The following DDX17 variants were observed in gnomAD, a reference collection of about 807,000 sequenced individuals.
The protein encoded by DDX17 is probable ATP-dependent RNA helicase DDX17.
Under a neutral mutation model 80.8 loss-of-function variants are expected in DDX17, and 10 were observed. The observed-to-expected ratio is 0.12, with a 90% CI of 0.08 to 0.21. The LOEUF (loss-of-function observed/expected upper bound fraction) is 0.21, where lower values mean the gene tolerates loss of function less well. Ranked by LOEUF, DDX17 falls within the 10% of genes least tolerant of loss-of-function variation. The probability of loss-of-function intolerance (pLI) is 1.00; values close to 1 mark genes in which losing one functional copy is unlikely to be tolerated. For missense variants in DDX17, 586 were observed against 957.4 expected (o/e 0.61, Z 5.12); for synonymous variants, 339 against 336.2 (o/e 1.01, Z -0.09).
At position 38,489,480 on chromosome 22, in the gene DDX17, A is replaced by T; in HGVS notation, c.1448-1365T>A. ...GAACCTGGGTTCGGGTAAAAATTTC[A>T]GGTCCTCCAACGCCTCCCCCAAGGA... On this transcript the variant is annotated intron_variant, in intron 11 of 12. Transcript: ENST00000403230. This position sits in a 1 kb window ranked among gnomAD's most constrained non-coding sequence, Gnocchi z 4.6. 1 of 985,766 alleles carries T rather than the reference A, an allele frequency of 1.0e-6. No individual in the cohort carries two copies. The highest frequency in any genetic ancestry group is 4.7e-5 in the South Asian group (1 of 21,284). The allele number at this position is 985,766 out of a possible 1,614,324, so 61.1% of individuals were successfully genotyped here. A position where few individuals can be genotyped will look rare whatever the true frequency, so the allele number is the denominator to read the frequency against.
intron 11 of DDX17, 56 bp downstream of exon 11, chr22:38,492,000 A>G: frequency 7.9e-7 from 1 of 1,266,208 alleles, no homozygotes; most frequent in Non-Finnish European, 1.1e-6. Flanking sequence ...TGAAATGACG[A>G]ATCTTTAAAC....
chr22:38,490,377 C>T (rs1254411623), intron 11 of DDX17: 11 of 1,289,264 alleles, frequency 8.5e-6, no homozygotes, highest in Middle Eastern at 2.1e-4. Flanking sequence ...GAGCTGCTTC[C>T]GGCCAATGTA....
Position 38,485,878 on chromosome 22 carries a change from G to C in DDX17, c.*57C>G. 6.6e-7 allele frequency: 1 copy of C among 1,518,450 alleles called. No individual in the cohort carries two copies. Among genetic ancestry groups the C allele is most frequent in the Non-Finnish European group, 8.8e-7 (1 of 1,132,830 alleles). 94.1% of individuals were successfully genotyped at this position (1,518,450 alleles called of 1,614,324 possible). ...AGGCGAAGAGGAAAAAAAAAGGAAA[G>C]ACAGTGTTCCTTAAAATGTAATTAA... is the stretch of plus-strand genomic sequence containing the variant. On this transcript the variant is annotated 3_prime_UTR_variant, in exon 13 of 13. Coordinates refer to ENST00000403230, the MANE Select transcript of DDX17 (RefSeq NM_006386.5).
chr22:38,493,968 A>G (rs1569139304), intron 9 of DDX17, 53 bp downstream of exon 9: 23 of 1,449,778 alleles, frequency 1.6e-5, no homozygotes, highest in Non-Finnish European at 2.2e-5. Flanking sequence ...CCAATTTAGA[A>G]ATTTCCAGTT....
At chr22:38,500,709 TGG>T (rs2089819068) in intron 2 of DDX17, among the ~76,000 whole-genome samples, 1 of 148,102 alleles carries the variant, frequency 6.8e-6, no homozygotes, top group African/African-American at 2.5e-5. Flanking sequence ...CCCAGCTACC[TGG>T]GAGGCTGAGG....
intron 1 of DDX17, among the ~76,000 whole-genome samples, chr22:38,502,575 T>G (rs548746043): frequency 3.3e-5 from 5 of 152,168 alleles, no homozygotes; most frequent in Admixed American, 3.3e-4. Flanking sequence ...AACTAATTAC[T>G]TAAGATCAAC....
chr22:38,500,814 T>C (rs1277790753), intron 2 of DDX17, among the ~76,000 whole-genome samples: 4 of 10,262 alleles, frequency 3.9e-4, no homozygotes, highest in Admixed American at 2.7e-3. Flanking sequence ...CAAAACTCCG[T>C]CTCAAAAAAA....
chr22:38,498,758 C>T (rs1029164360), intron 3 of DDX17, among the ~76,000 whole-genome samples, 185 bp from the exon 4 acceptor site: 1 of 152,216 alleles, frequency 6.6e-6, no homozygotes, highest in Non-Finnish European at 1.5e-5. Flanking sequence ...GGCTAGGTGG[C>T]TCACGCCTGT....
Position 38,493,693 on chromosome 22 carries a change from CTTAGTT to C in DDX17, c.1387+11_1387+16del, listed in dbSNP as rs1385723302. Reference sequence around the variant, plus strand: ...GGGGGTGGGGAATCAACAGAAAATGCTTAGTTTTAAACTTACCATTAAGTACCCAAT... The same window carrying C: ...GGGGGTGGGGAATCAACAGAAAATGCTTAAACTTACCATTAAGTACCCAAT... On this transcript the variant is annotated intron_variant, in intron 10 of 12. Transcript: ENST00000403230. The C allele has an allele frequency of 6.3e-7, 1 of 1,597,386 alleles. No individual in the cohort carries two copies. Among genetic ancestry groups the C allele is most frequent in the African/African-American group, 1.3e-5 (1 of 74,696 alleles).
rs2089861489 is a variant in DDX17 at position 38,504,599 on chromosome 22, A to G, written c.287+1352T>C. Among the ~76,000 whole-genome samples, 2 of 152,220 alleles carry G rather than the reference A, an allele frequency of 1.3e-5. 1 individual carries two copies. Among genetic ancestry groups the G allele is most frequent in the South Asian group, 4.1e-4 (2 of 4,830 alleles). ...CACCTCTCATCCTCTAAACAATGAG[A>G]TAAAATATTTTCCTTCCTAATAAGG... On this transcript the variant is annotated intron_variant, in intron 1 of 12. Transcript: ENST00000403230.
At chr22:38,497,619 C>CAAAAAAAAAAAAAAAAAAAAAAAAAAAA (rs138449) in intron 5 of DDX17, among the ~76,000 whole-genome samples, 1 of 74,888 alleles carries the variant, frequency 1.3e-5, no homozygotes, top group Non-Finnish European at 2.4e-5. Flanking sequence ...AATATATCTC[C>CAAAAAAAAAAAAAAAAAAAAAAAAAAAA]AAAAAAAAAA....
intron 1 of DDX17, among the ~76,000 whole-genome samples, chr22:38,502,453 CCTT>C: frequency 6.7e-6 from 1 of 150,062 alleles, no homozygotes; most frequent in East Asian, 1.9e-4. Context: ...TATGACCTTT[CCTT>C]CTTCTTTGAT....
At chr22:38,505,908 C>G (rs2089877632) in intron 1 of DDX17, 43 bp downstream of exon 1, 1 of 1,530,598 alleles carries the variant, frequency 6.5e-7, no homozygotes, top group African/African-American at 1.4e-5. Context: ...AAGCAACTCC[C>G]CCACCCCCAC....
intron 1 of DDX17, among the ~76,000 whole-genome samples, chr22:38,501,933 G>A (rs147023618): frequency 6.6e-6 from 1 of 152,190 alleles, no homozygotes; most frequent in African/African-American, 2.4e-5. Context: ...TTCAATTAAA[G>A]GGAAGATTGT....
intron 5 of DDX17, among the ~76,000 whole-genome samples, chr22:38,496,903 A>G (rs1012556296): frequency 2.0e-5 from 3 of 152,200 alleles, no homozygotes; most frequent in Non-Finnish European, 2.9e-5. Context: ...TGTCAGACAT[A>G]TACTATGTAT....
chr22:38,490,535 G>A (rs1171645670), intron 11 of DDX17: 8 of 1,009,934 alleles, frequency 7.9e-6, no homozygotes, highest in Non-Finnish European at 1.1e-5. Context: ...CAGTGGAAAG[G>A]GAAGTGGTAG....
rs924879125 is a variant in DDX17, at chr22:38,502,434, AC to A, written c.288-1155del. ...GTCAAAAAAAAAAAAAAAAAGCTGA[AC>A]ATAGATTTATGACCTTTCCTTCTTC... On this transcript the variant is annotated intron_variant, in intron 1 of 12. Coordinates refer to ENST00000403230, the MANE Select transcript of DDX17 (RefSeq NM_006386.5). 4.0e-3 allele frequency among the ~76,000 whole-genome samples: 605 copies of A among 151,464 alleles called. 2 individuals are homozygous for A. Among genetic ancestry groups the A allele is most frequent in the African/African-American group, 0.014 (579 of 41,178 alleles).
rs2089692716 is a variant in DDX17 at position 38,489,508 on chromosome 22, A to C, written c.1448-1393T>G. 2.0e-6 allele frequency: 2 copies of C among 985,230 alleles called. No individual in the cohort carries two copies. Among genetic ancestry groups the C allele is most frequent in the Non-Finnish European group, 2.4e-6 (2 of 829,748 alleles). 61.0% of individuals were successfully genotyped at this position (985,230 alleles called of 1,614,324 possible). ...TCCTCCAACGCCTCCCCCAAGGATAATTGGGGTGATTGTAGAAAAAAATAA... is the reference window on the plus strand; with the variant it reads ...TCCTCCAACGCCTCCCCCAAGGATACTTGGGGTGATTGTAGAAAAAAATAA... On this transcript the variant is annotated intron_variant, in intron 11 of 12. Coordinates refer to ENST00000403230, the MANE Select transcript of DDX17 (RefSeq NM_006386.5). This position sits in a 1 kb window ranked among gnomAD's most constrained non-coding sequence, Gnocchi z 4.6.
rs890168120 is a variant in DDX17 at position 38,501,424 on chromosome 22, G to C, written c.288-144C>G. The C allele has an allele frequency of 4.8e-5, 50 of 1,043,322 alleles. No homozygotes were observed. The South Asian group carries it at 8.2e-4, about 17-fold the overall frequency. The allele number at this position is 1,043,322 out of a possible 1,614,324, so 64.6% of individuals were successfully genotyped here. On this transcript the variant is annotated intron_variant, in intron 1 of 12. Coordinates refer to ENST00000403230, the MANE Select transcript of DDX17 (RefSeq NM_006386.5). ...ACCATTTTATTTGCTGTGATTTAAA[G>C]GTATGGAGAAATGTGTAAAACCTCC... is the stretch of plus-strand genomic sequence containing the variant.
Sources: allele counts gnomAD v4.1 joint callset (sites outside exome capture counted in the v4.1 genomes callset), GRCh38; gene constraint gnomAD v4.1.1; non-coding constraint Gnocchi (gnomAD v3.1); transcripts MANE v1.5; gene names NCBI Gene and HGNC (gene_info 2026-07-23, HGNC 2026-07-21).